The following E2F2 variants were observed in gnomAD, a reference collection of about 807,000 sequenced individuals.
E2F2 encodes E2F transcription factor 2, also known as transcription factor E2F2.
E2F2 carries 22 observed loss-of-function variants against 42.2 expected under a neutral mutation model. The ratio of observed to expected loss-of-function variants is 0.52; its 90% CI spans 0.37 to 0.74. The LOEUF (loss-of-function observed/expected upper bound fraction) is 0.74, where lower values mean the gene tolerates loss of function less well. E2F2 is among the 30% of genes least tolerant of loss of function. The probability of loss-of-function intolerance (pLI) is 0.00; values close to 1 mark genes in which losing one functional copy is unlikely to be tolerated. For missense variants in E2F2, 481 were observed against 557.8 expected (o/e 0.86, Z 1.39); for synonymous variants, 248 against 251.6 (o/e 0.99, Z 0.13).
In E2F2 at chr1:23,510,240, CCTT is replaced by C. The variant is rs1254591929; in HGVS notation, c.1046-95_1046-93del. 37 of 1,436,092 alleles carry C rather than the reference CCTT, an allele frequency of 2.6e-5. No individual in the cohort carries two copies. In the South Asian group the frequency reaches 4.9e-4, roughly 19 times the overall value. The allele number at this position is 1,436,092 out of a possible 1,614,324, so 89.0% of individuals were successfully genotyped here. A position where few individuals can be genotyped will look rare whatever the true frequency, so the allele number is the denominator to read the frequency against. On this transcript the variant is annotated intron_variant, in intron 6 of 6. Transcript: ENST00000361729. Reference sequence around the variant, plus strand: ...CTTCCGGTTCTCTGGATGACTGCACCCTTCTTCTCTCTCCTTAGCCTGGGTGGA... The same window carrying C: ...CTTCCGGTTCTCTGGATGACTGCACCCTTCTCTCTCCTTAGCCTGGGTGGA...
intron 2 of E2F2, among the ~76,000 whole-genome samples, chr1:23,523,641 C>A (rs1643194532): frequency 1.3e-5 from 2 of 152,128 alleles, no homozygotes; most frequent in African/African-American, 4.8e-5. Context: ...GGAGAAAGAC[C>A]CTGGTTAGCC....
intron 3 of E2F2, 79 bp from the exon 4 acceptor site, chr1:23,521,150 G>T: frequency 7.0e-7 from 1 of 1,424,682 alleles, no homozygotes. Context: ...AGTCTATGAG[G>T]GTGCTTCCCT....
rs1643318106 is a variant in E2F2 at position 23,530,425 on chromosome 1, A to C, written c.252+117T>G. 7.9e-6 allele frequency: 11 copies of C among 1,398,346 alleles called. No homozygotes were observed. The highest frequency in any genetic ancestry group is 9.5e-6 in the Non-Finnish European group (10 of 1,051,594). The allele number at this position is 1,398,346 out of a possible 1,614,324, so 86.6% of individuals were successfully genotyped here. ...ACTGGGTCCTGGAAACTGAAAGCTC[A>C]TCTTCCCTCTTCCCAAAACTCTACC... is the stretch of plus-strand genomic sequence containing the variant. On this transcript the variant is annotated intron_variant, in intron 1 of 6. Transcript: ENST00000361729. This position sits in a 1 kb window ranked among gnomAD's most constrained non-coding sequence, Gnocchi z 4.4.
chr1:23,528,075 G>A (rs181298421), intron 1 of E2F2, among the ~76,000 whole-genome samples: 151 of 152,346 alleles, frequency 9.9e-4, no homozygotes, highest in African/African-American at 3.5e-3. Context: ...CAGAGATGGC[G>A]CTATTGCAAG....
chr1:23,518,458 G>C (rs989333800), intron 5 of E2F2, among the ~76,000 whole-genome samples: 2 of 149,978 alleles, frequency 1.3e-5, no homozygotes, highest in African/African-American at 4.8e-5. Context: ...GCAACAGAGT[G>C]AGACTCTGTC....
intron 4 of E2F2, among the ~76,000 whole-genome samples, chr1:23,520,199 T>C (rs1402314165): frequency 7.5e-6 from 1 of 133,388 alleles, no homozygotes; most frequent in Non-Finnish European, 1.5e-5. Flanking sequence ...CGAGCCGAGA[T>C]TGTGCCACTG....
At chr1:23,525,814 C>T (rs781256568) in intron 1 of E2F2, among the ~76,000 whole-genome samples, 1 of 152,178 alleles carries the variant, frequency 6.6e-6, no homozygotes, top group Middle Eastern at 3.2e-3. Flanking sequence ...TGGGGGTCAT[C>T]GAGCCCATTT....
intron 4 of E2F2, among the ~76,000 whole-genome samples, chr1:23,519,635 TA>T (rs1194014517): frequency 3.9e-5 from 6 of 152,194 alleles, no homozygotes; most frequent in Non-Finnish European, 8.8e-5. Context: ...GCATTCTATG[TA>T]TAAAGATATT....
At chr1:23,520,748 A>G (rs1553183923) in intron 4 of E2F2, among the ~76,000 whole-genome samples, 165 bp downstream of exon 4, 1 of 152,242 alleles carries the variant, frequency 6.6e-6, no homozygotes, top group Non-Finnish European at 1.5e-5. Flanking sequence ...GTCTCTAAAA[A>G]AAATAAATAA....
At chr1:23,528,222 G>A (rs1245686240) in intron 1 of E2F2, among the ~76,000 whole-genome samples, 1 of 152,246 alleles carries the variant, frequency 6.6e-6, no homozygotes, top group Non-Finnish European at 1.5e-5. Flanking sequence ...GGAGCCAGGA[G>A]ATCTGGGTTG....
At position 23,510,094 on chromosome 1, in the gene E2F2, G is replaced by A. The variant is rs866938398; in HGVS notation, c.1100C>T (p.Pro367Leu). Residue 367 changes from proline to leucine, a missense_variant, in exon 7 of 7, where the codon CCC becomes CTC. Coordinates refer to ENST00000361729, the MANE Select transcript of E2F2 (RefSeq NM_004091.4). ...QQAPPPPSLV[P>L]LEATDSLLEL... is the part of the protein sequence containing the mutation. ...CAGCAGGCTGTCAGTAGCCTCCAAG[G>A]GGACCAGGGATGGAGGCGGTGGGGC... 1 of 1,606,430 alleles carries A rather than the reference G, an allele frequency of 6.2e-7. No homozygotes were observed. The highest frequency in any genetic ancestry group is 1.1e-5 in the South Asian group (1 of 89,374).
At position 23,530,869 on chromosome 1, in the gene E2F2, T is replaced by C; in HGVS notation, c.-76A>G. ...CTGCGGGTTCCGGTGCTGCCGCCTT[T>C]CACACGGCCCGCGGCATGGCGCGGA... On this transcript the variant is annotated 5_prime_UTR_variant, in exon 1 of 7. An upstream open reading frame in the 5' UTR loses its in-frame stop. Coordinates refer to ENST00000361729, the MANE Select transcript of E2F2 (RefSeq NM_004091.4). This position sits in a 1 kb window ranked among gnomAD's most constrained non-coding sequence, Gnocchi z 4.4. 2 of 1,404,358 alleles carry C rather than the reference T, an allele frequency of 1.4e-6. No homozygotes were observed. Among genetic ancestry groups the C allele is most frequent in the Non-Finnish European group, 1.8e-6 (2 of 1,081,926 alleles). 87.0% of individuals were successfully genotyped at this position (1,404,358 alleles called of 1,614,324 possible). A position where few individuals can be genotyped will look rare whatever the true frequency, so the allele number is the denominator to read the frequency against.
chr1:23,529,033 G>A (rs1643295135), intron 1 of E2F2, among the ~76,000 whole-genome samples: 1 of 152,180 alleles, frequency 6.6e-6, no homozygotes, highest in African/African-American at 2.4e-5. Flanking sequence ...GGGAACATAG[G>A]GAGACCCCTG....
chr1:23,518,743 T>C (rs1010535269), intron 5 of E2F2, among the ~76,000 whole-genome samples: 6 of 152,274 alleles, frequency 3.9e-5, no homozygotes, highest in Admixed American at 6.5e-5. Flanking sequence ...TACGTGGGCA[T>C]GAGTGTGCAT....
chr1:23,505,519 CTT>C (rs199998581), downstream of E2F2, among the ~76,000 whole-genome samples: 9 of 147,618 alleles, frequency 6.1e-5, no homozygotes, highest in East Asian at 1.4e-3. Context: ...GGCAAGGTCT[CTT>C]TTTTTTTTTG....
chr1:23,524,531 TC>T (rs1344403092), intron 1 of E2F2, 43 bp from the exon 2 acceptor site: 2 of 1,584,472 alleles, frequency 1.3e-6, no homozygotes, highest in Admixed American at 3.4e-5. Flanking sequence ...TGAGAATCAT[TC>T]CTCCTTTAGC....
At chr1:23,525,843 T>G (rs1643241434) in intron 1 of E2F2, among the ~76,000 whole-genome samples, 1 of 152,164 alleles carries the variant, frequency 6.6e-6, no homozygotes, top group African/African-American at 2.4e-5. Context: ...TTTCCAACTC[T>G]GGATCCCCCA....
Position 23,519,051 on chromosome 1 carries a change from G to A in E2F2, c.817C>T (p.Pro273Ser), listed in dbSNP as rs1023290550. ...TCGGGCACTTCCAGTCTCGTCTGCG[G>A]AGGGGCCTTGACGGCAATCACTGTC... ...EQTVIAVKAPPQTRLEVPDRT... is the reference protein window; with the variant it reads ...EQTVIAVKAPSQTRLEVPDRT... The change falls in exon 5 of 7, where the codon CCG becomes TCG. Residue 273 changes from proline to serine, a missense_variant. Transcript: ENST00000361729. The A allele has an allele frequency of 6.2e-7, 1 of 1,613,888 alleles. No homozygotes were observed. The highest frequency in any genetic ancestry group is 1.3e-5 in the African/African-American group (1 of 74,928).
intron 4 of E2F2, 24 bp downstream of exon 4, chr1:23,520,889 C>G (rs761388564): frequency 4.6e-6 from 7 of 1,533,940 alleles, no homozygotes; most frequent in Non-Finnish European, 6.2e-6. Context: ...CTCCCTGACA[C>G]CTTCCCCCAA....
Sources: gnomAD v4.1 joint callset for allele counts (sites outside exome capture counted in the v4.1 genomes callset) on GRCh38, gnomAD v4.1.1 for gene constraint, Gnocchi (gnomAD v3.1) non-coding constraint, MANE v1.5 for transcripts, NCBI Gene and HGNC (gene_info 2026-07-23, HGNC 2026-07-21) for gene names.